MBNL1: variants seen among roughly 807,000 people sequenced by gnomAD.
MBNL1 encodes the protein muscleblind-like protein 1.
MBNL1 carries 8 observed loss-of-function variants against 42.2 expected under a neutral mutation model. That is an observed-to-expected ratio of 0.19 (90% CI 0.11 to 0.34). The LOEUF (loss-of-function observed/expected upper bound fraction) is 0.34. MBNL1 is among the 10% of genes least tolerant of loss of function. The pLI is 1.00. For missense variants in MBNL1, 309 were observed against 495.3 expected (o/e 0.62, Z 3.57); for synonymous variants, 169 against 173.9 (o/e 0.97, Z 0.22).
intron 8 of MBNL1, 113 bp downstream of exon 8, chr3:152,456,474 A>G: frequency 1.3e-6 from 1 of 793,448 alleles, no homozygotes; most frequent in South Asian, 1.4e-5. Flanking sequence ...TGTGTACGTG[A>G]GGGCTGTAGA....
intron 4 of MBNL1, 93 bp downstream of exon 4, chr3:152,433,013 T>A: frequency 2.5e-6 from 3 of 1,197,126 alleles, no homozygotes; most frequent in Non-Finnish European, 3.6e-6. Context: ...GCCAAAAAGT[T>A]GTAAAAATTT....
intron 2 of MBNL1, among the ~76,000 whole-genome samples, chr3:152,356,206 A>G (rs1179056250): frequency 6.6e-6 from 1 of 152,034 alleles, no homozygotes; most frequent in Non-Finnish European, 1.5e-5. Flanking sequence ...AAACTAAGAT[A>G]AACAAATATC....
intron 3 of MBNL1, among the ~76,000 whole-genome samples, chr3:152,430,238 T>C (rs966503853): frequency 6.6e-6 from 1 of 152,234 alleles, no homozygotes. Context: ...TCTGGTCTCA[T>C]TTTATTAAAA....
intron 4 of MBNL1, among the ~76,000 whole-genome samples, chr3:152,439,679 G>A (rs901932307): frequency 6.6e-6 from 1 of 152,024 alleles, no homozygotes; most frequent in Non-Finnish European, 1.5e-5. Context: ...GTTTTGATAT[G>A]GTATAGAGTA....
chr3:152,329,465 AAAAAG>A (rs1342041899), intron 2 of MBNL1, among the ~76,000 whole-genome samples: 1 of 151,078 alleles, frequency 6.6e-6, no homozygotes, highest in Non-Finnish European at 1.5e-5. Context: ...TGTCTCTACC[AAAAAG>A]AAAAGAAAAG....
chr3:152,440,190 C>A (rs1286170333), intron 4 of MBNL1, among the ~76,000 whole-genome samples: 1 of 152,162 alleles, frequency 6.6e-6, no homozygotes, highest in Non-Finnish European at 1.5e-5. Flanking sequence ...AACAGAAATA[C>A]TATGAGGTAG....
chr3:152,318,402 C>T (rs1233427539), intron 2 of MBNL1, among the ~76,000 whole-genome samples: 1 of 152,108 alleles, frequency 6.6e-6, no homozygotes, highest in Non-Finnish European at 1.5e-5. Context: ...AGTTTTAATT[C>T]ATGGTAGAAT....
intron 2 of MBNL1, among the ~76,000 whole-genome samples, chr3:152,413,845 A>G (rs1418410430): frequency 1.3e-5 from 2 of 152,230 alleles, no homozygotes; most frequent in Non-Finnish European, 2.9e-5. Context: ...TTGAAATAAT[A>G]TGGGTAGAGT....
intron 2 of MBNL1, among the ~76,000 whole-genome samples, chr3:152,358,648 T>C (rs2095700678): frequency 6.6e-6 from 1 of 152,164 alleles, no homozygotes; most frequent in African/African-American, 2.4e-5. Flanking sequence ...GCTTCTTCCC[T>C]GATTATGGAT....
At chr3:152,261,208 G>T (rs1022470194) in intron 2 of MBNL1, among the ~76,000 whole-genome samples, 8 of 152,120 alleles carry the variant, frequency 5.3e-5, no homozygotes, top group Admixed American at 2.0e-4. Flanking sequence ...ATTTGTCTGA[G>T]TTGCAGCCGG....
intron 6 of MBNL1, among the ~76,000 whole-genome samples, chr3:152,449,938 C>T (rs13099015): frequency 1.3e-5 from 2 of 151,932 alleles, no homozygotes; most frequent in Non-Finnish European, 2.9e-5. Context: ...AACCCCATCT[C>T]TACTAAAAAT....
At chr3:152,318,884 T>G (rs148120712) in intron 2 of MBNL1, among the ~76,000 whole-genome samples, 1 of 152,282 alleles carries the variant, frequency 6.6e-6, no homozygotes, top group Non-Finnish European at 1.5e-5. Context: ...TCCTGCCTAT[T>G]TAAAGTCCCC....
At chr3:152,448,582 C>T (rs903110419) in intron 6 of MBNL1, among the ~76,000 whole-genome samples, 1 of 152,044 alleles carries the variant, frequency 6.6e-6, no homozygotes, top group Non-Finnish European at 1.5e-5. Context: ...TTGCTTCACC[C>T]TTATTTTCAG....
At chr3:152,318,462 TAAAA>T in intron 2 of MBNL1, among the ~76,000 whole-genome samples, 1 of 152,312 alleles carries the variant, frequency 6.6e-6, no homozygotes, top group Admixed American at 6.5e-5. Flanking sequence ...TTAGTACAAA[TAAAA>T]CTGCATTTTA....
chr3:152,303,970 A>G (rs537029962), intron 2 of MBNL1, among the ~76,000 whole-genome samples: 16 of 152,278 alleles, frequency 1.1e-4, no homozygotes, highest in Admixed American at 9.8e-4. Flanking sequence ...TTTTTGCTAT[A>G]TACAGTGATA....
intron 2 of MBNL1, chr3:152,341,070 C>T (rs2093069629): frequency 2.4e-6 from 2 of 818,726 alleles, no homozygotes; most frequent in Non-Finnish European, 3.5e-6. Flanking sequence ...TGAAAACATT[C>T]AAGTTTATTC....
At chr3:152,268,493 G>A (rs2037884313), upstream of MBNL1, 2 of 328,948 alleles carry the variant, frequency 6.1e-6, no homozygotes, top group Admixed American at 4.4e-5. Context: ...GCAAAGCCCG[G>A]TGCAAGGGCC....
chr3:152,260,753 T>C (rs1462216248), intron 2 of MBNL1, among the ~76,000 whole-genome samples: 2 of 152,198 alleles, frequency 1.3e-5, no homozygotes, highest in Non-Finnish European at 2.9e-5. Context: ...CTCTTTGTCT[T>C]ATCTGTTTTT....
At chr3:152,420,705 T>C (rs1364402469) in intron 3 of MBNL1, among the ~76,000 whole-genome samples, 1 of 152,172 alleles carries the variant, frequency 6.6e-6, no homozygotes, top group African/African-American at 2.4e-5. Flanking sequence ...CCAGATTGCC[T>C]CTTCTTCTCC....
Sources: allele counts gnomAD v4.1 joint callset (sites outside exome capture counted in the v4.1 genomes callset), GRCh38; gene constraint gnomAD v4.1.1; transcripts MANE v1.5; gene names NCBI Gene and HGNC (gene_info 2026-07-23, HGNC 2026-07-21).